The following CSMD2 variants were observed in gnomAD, a reference collection of about 807,000 sequenced individuals.
CSMD2 encodes CUB and Sushi multiple domains 2.
Under a neutral mutation model 398.5 loss-of-function variants are expected in CSMD2, and 130 were observed. That is an observed-to-expected ratio of 0.33 (90% CI 0.28 to 0.38). The LOEUF (loss-of-function observed/expected upper bound fraction) is 0.38, where lower values mean the gene tolerates loss of function less well. CSMD2 is among the 10% of genes least tolerant of loss of function. The probability of loss-of-function intolerance (pLI) is 1.00; values close to 1 mark genes in which losing one functional copy is unlikely to be tolerated. For missense variants in CSMD2, 3,829 were observed against 4,764.9 expected, an observed-to-expected ratio of 0.80 and a Z score of 5.78; for synonymous variants, 1,828 against 1,908.5, an observed-to-expected ratio of 0.96 and a Z score of 1.10.
chr1:33,685,305 C>T (rs1645031029), intron 25 of CSMD2, among the ~76,000 whole-genome samples: 1 of 152,196 alleles, frequency 6.6e-6, no homozygotes, highest in Admixed American at 6.5e-5. Flanking sequence ...AAAATGAACC[C>T]CCATCTGTTG....
At chr1:33,520,096 C>T in intron 68 of CSMD2, 146 bp from the exon 69 acceptor site, 1 of 867,382 alleles carries the variant, frequency 1.2e-6, no homozygotes, top group Non-Finnish European at 1.8e-6. Context: ...GCAGGTGTGC[C>T]CAGGGCTGCC....
rs1169746785 is a variant in CSMD2, at chr1:33,891,522, C to T, written c.920+26572G>A. Among the ~76,000 whole-genome samples, 29 of 151,632 alleles carry T rather than the reference C, an allele frequency of 1.9e-4. No homozygotes were observed. The East Asian group carries it at 3.7e-3, about 19-fold the overall frequency. On this transcript the variant is annotated intron_variant, in intron 5 of 70. Transcript: ENST00000373381. ...CTCAGGGATCTAGAACTAGAAATAC[C>T]ATTTGACCCAGCCATCTCATTACTG...
chr1:33,642,304 G>A (rs546478768), intron 29 of CSMD2, among the ~76,000 whole-genome samples: 17 of 144,352 alleles, frequency 1.2e-4, no homozygotes, highest in African/African-American at 2.6e-4. Flanking sequence ...CTGAGATTGC[G>A]CCACTGCACT....
chr1:33,631,184 G>A (rs1301103127), intron 32 of CSMD2, among the ~76,000 whole-genome samples: 3 of 152,012 alleles, frequency 2.0e-5, no homozygotes, highest in African/African-American at 7.2e-5. Context: ...ATGAATGCAC[G>A]ATGCAGGATA....
At position 33,559,190 on chromosome 1, in the gene CSMD2, T is replaced by C; in HGVS notation, c.8554+110A>G. The C allele has an allele frequency of 9.8e-7, 1 of 1,015,712 alleles. No homozygotes were observed. The highest frequency in any genetic ancestry group is 1.4e-6 in the Non-Finnish European group (1 of 703,660). 62.9% of individuals were successfully genotyped at this position (1,015,712 alleles called of 1,614,324 possible). On this transcript the variant is annotated intron_variant, in intron 54 of 70. Transcript: ENST00000373381. This position sits in a 1 kb window ranked among gnomAD's most constrained non-coding sequence, Gnocchi z 4.0. The stretch of plus-strand genomic sequence containing the variant: ...ACCCTTCTCTGCTCCATCTTCCCTA[T>C]CTGGATCAGAATGATGCCAGAATGA...
chr1:34,104,983 G>A (rs1564720), intron 1 of CSMD2, among the ~76,000 whole-genome samples: 56,828 of 151,916 alleles, frequency 0.37, 11,340 homozygotes, highest in East Asian at 0.68. Flanking sequence ...TCTAACTCAC[G>A]GTCCCAGGCT....
At chr1:33,542,646 G>A (rs1656464958) in intron 58 of CSMD2, 74 bp downstream of exon 58, 2 of 1,369,020 alleles carry the variant, frequency 1.5e-6, no homozygotes, top group Non-Finnish European at 2.0e-6. Flanking sequence ...CATCTTCCAT[G>A]GATAGCCTTC....
At chr1:33,966,772 G>T (rs930599608) in intron 3 of CSMD2, among the ~76,000 whole-genome samples, 7 of 152,154 alleles carry the variant, frequency 4.6e-5, no homozygotes, top group African/African-American at 1.4e-4. Flanking sequence ...TTCAGCCAGG[G>T]CAAAAATTGC....
intron 3 of CSMD2, among the ~76,000 whole-genome samples, chr1:33,938,479 A>C (rs1272765002): frequency 6.8e-6 from 1 of 147,996 alleles, no homozygotes; most frequent in Non-Finnish European, 1.5e-5. Flanking sequence ...CTTATTTGGC[A>C]TTTCCCATGA....
intron 5 of CSMD2, among the ~76,000 whole-genome samples, chr1:33,911,647 A>C (rs910410400): frequency 2.0e-5 from 3 of 152,238 alleles, no homozygotes; most frequent in Non-Finnish European, 4.4e-5. Flanking sequence ...TGAAACTCAA[A>C]AGGGTTACTT....
At chr1:33,884,909 C>T (rs1641487050) in intron 5 of CSMD2, 1 of 152,306 alleles carries the variant, frequency 6.6e-6, no homozygotes, top group African/African-American at 2.4e-5. Context: ...TGATTTCTGC[C>T]TCTGTCATTT....
At chr1:33,592,401 GGTGTCCACCTCTGGTCCAAGCTTCT>G (rs1639521621) in intron 44 of CSMD2, 1 of 715,768 alleles carries the variant, frequency 1.4e-6, no homozygotes, top group Admixed American at 2.0e-5. Context: ...AGTCAGCTCA[GGTGTCCACCTCTGGTCCAAGCTTCT>G]GTGGCTGGGG....
chr1:34,079,927 C>A (rs980786411), intron 2 of CSMD2, among the ~76,000 whole-genome samples: 1 of 151,946 alleles, frequency 6.6e-6, no homozygotes, highest in African/African-American at 2.4e-5. Flanking sequence ...TATGAGTGAA[C>A]TAAATTTTCC....
intron 6 of CSMD2, among the ~76,000 whole-genome samples, chr1:33,826,736 G>A (rs924229097): frequency 4.6e-5 from 7 of 152,130 alleles, no homozygotes; most frequent in African/African-American, 7.2e-5. Context: ...CCCATCAGCC[G>A]CCTTTGGTCT....
intron 1 of CSMD2, among the ~76,000 whole-genome samples, chr1:34,120,800 C>T (rs1286479145): frequency 2.6e-5 from 4 of 152,168 alleles, no homozygotes; most frequent in African/African-American, 9.7e-5. Context: ...CCACCTCAGC[C>T]TCCCAAAGTG....
intron 2 of CSMD2, among the ~76,000 whole-genome samples, chr1:34,040,679 C>T (rs58529181): frequency 0.055 from 8,365 of 152,220 alleles, 810 homozygotes; most frequent in African/African-American, 0.19. Context: ...GACATCCAGA[C>T]TTGGGCTAAG....
chr1:33,972,333 G>C (rs1645802125), intron 3 of CSMD2, among the ~76,000 whole-genome samples: 1 of 152,170 alleles, frequency 6.6e-6, no homozygotes. Context: ...TTGATTCATA[G>C]TTTTAGATTC....
intron 53 of CSMD2, among the ~76,000 whole-genome samples, chr1:33,560,903 G>C (rs1359350805): frequency 1.3e-5 from 2 of 152,336 alleles, no homozygotes; most frequent in East Asian, 3.9e-4. Flanking sequence ...ATGAATGGAT[G>C]GATGCCTAGG....
chr1:34,045,159 T>C (rs909552632), intron 2 of CSMD2, among the ~76,000 whole-genome samples: 4 of 152,292 alleles, frequency 2.6e-5, no homozygotes, highest in Middle Eastern at 6.8e-3. Context: ...GTGGAAAATC[T>C]AGGCTTTTTG....
Sources: gnomAD v4.1 joint callset for allele counts (sites outside exome capture counted in the v4.1 genomes callset) on GRCh38, gnomAD v4.1.1 for gene constraint, Gnocchi (gnomAD v3.1) non-coding constraint, MANE v1.5 for transcripts, NCBI Gene and HGNC (gene_info 2026-07-23, HGNC 2026-07-21) for gene names.